PTPRA: variants seen among roughly 807,000 people sequenced by gnomAD.
PTPRA encodes protein tyrosine phosphatase receptor type A, also known as receptor-type tyrosine-protein phosphatase alpha.
A neutral mutation model predicts 104.8 loss-of-function variants in PTPRA; 25 were observed. The ratio of observed to expected loss-of-function variants is 0.24; its 90% CI spans 0.17 to 0.33. The LOEUF is 0.33. PTPRA is among the 10% of genes least tolerant of loss of function. The probability of loss-of-function intolerance (pLI) is 1.00; values close to 1 mark genes in which losing one functional copy is unlikely to be tolerated. For missense variants in PTPRA, 765 were observed against 1,015.3 expected (o/e 0.75, Z 3.35); for synonymous variants, 323 against 368.9 (o/e 0.88, Z 1.43).
intron 6 of PTPRA, 94 bp downstream of exon 6, chr20:2,975,335 C>A: frequency 1.8e-6 from 2 of 1,114,508 alleles, no homozygotes; most frequent in Non-Finnish European, 2.5e-6. Context: ...CCGTGTGCAT[C>A]TGTGGCTGTG....
At position 2,954,047 on chromosome 20, in the gene PTPRA, C is replaced by G. The variant is rs951837453; in HGVS notation, c.-7+6023C>G. 2.7e-5 allele frequency among the ~76,000 whole-genome samples: 4 copies of G among 147,422 alleles called. No homozygotes were observed. The Admixed American group carries it at 2.7e-4, about 10-fold the overall frequency. On this transcript the variant is annotated intron_variant, in intron 3 of 23. Transcript: ENST00000399903. ...GCCTCAGCCTTCCATGTAGCTACGT[C>G]TACAGGCATGTGCCACCATACCCGG...
chr20:2,893,752 T>C (rs868601165), intron 1 of PTPRA, among the ~76,000 whole-genome samples: 83 of 152,280 alleles, frequency 5.5e-4, no homozygotes, highest in African/African-American at 1.9e-3. Context: ...CACATGACCT[T>C]CTAACCCAGT....
At chr20:2,954,550 T>C (rs2061468516) in intron 3 of PTPRA, among the ~76,000 whole-genome samples, 2 of 152,188 alleles carry the variant, frequency 1.3e-5, no homozygotes, top group African/African-American at 4.8e-5. Context: ...AATTAGGTTG[T>C]TTTTGTTGTT....
At chr20:2,868,349 C>A in the PTPRA span, among the ~76,000 whole-genome samples, 1 of 120,810 alleles carries the variant, frequency 8.3e-6, no homozygotes, top group Non-Finnish European at 1.6e-5. Flanking sequence ...GAGATGGGGT[C>A]TCGGGGGTCT....
chr20:2,934,219 C>T (rs2060610055), intron 2 of PTPRA, among the ~76,000 whole-genome samples: 1 of 152,098 alleles, frequency 6.6e-6, no homozygotes, highest in African/African-American at 2.4e-5. Flanking sequence ...ATTGTCCCAC[C>T]TCAGCCTCTC....
At chr20:3,010,627 CAAAAAAAATAAATAAATAAAAAAT>C (rs1015535729) in intron 11 of PTPRA, among the ~76,000 whole-genome samples, 11 of 150,938 alleles carry the variant, frequency 7.3e-5, no homozygotes, top group African/African-American at 1.5e-4. Flanking sequence ...GACTCTGTCT[CAAAAAAAATAAATAAATAAAAAAT>C]AAAAAAAATA....
At chr20:2,868,637 T>C, upstream of PTPRA, among the ~76,000 whole-genome samples, 1 of 139,610 alleles carries the variant, frequency 7.2e-6, no homozygotes, top group South Asian at 2.5e-4. Context: ...TTTTTTTTTT[T>C]TTTTTTTTTT....
chr20:2,923,232 G>T lies in PTPRA; in HGVS notation c.-103G>T. On this transcript the variant is annotated 5_prime_UTR_variant, in exon 2 of 24. Coordinates refer to ENST00000399903, the MANE Select transcript of PTPRA (RefSeq NM_001385305.1). ...GTGACACAACTAAAAAAAAACAAAG[G>T]TATTTATGGAATTCCACTGAGTGGT... The T allele has an allele frequency of 7.9e-7, 1 of 1,266,012 alleles. No homozygotes were observed. Among genetic ancestry groups the T allele is most frequent in the Non-Finnish European group, 1.0e-6 (1 of 976,498 alleles). 78.4% of individuals were successfully genotyped at this position (1,266,012 alleles called of 1,614,324 possible). A position where few individuals can be genotyped will look rare whatever the true frequency, so the allele number is the denominator to read the frequency against.
chr20:3,017,165 A>AT (rs1216833191), intron 12 of PTPRA, among the ~76,000 whole-genome samples: 2 of 151,984 alleles, frequency 1.3e-5, no homozygotes, highest in Non-Finnish European at 2.9e-5. Flanking sequence ...ATGAGGTTTA[A>AT]TTTTTTTATC....
chr20:2,908,938 C>G (rs137991401), intron 1 of PTPRA, among the ~76,000 whole-genome samples: 2 of 152,152 alleles, frequency 1.3e-5, no homozygotes, highest in East Asian at 3.9e-4. Context: ...ATGTGTGGCA[C>G]CAAACATGCT....
At chr20:2,974,063 G>GC (rs1415558811) in intron 5 of PTPRA, among the ~76,000 whole-genome samples, 1 of 149,800 alleles carries the variant, frequency 6.7e-6, no homozygotes, top group African/African-American at 2.5e-5. Context: ...CCATTCTCCT[G>GC]CCTCAGCCTC....
Position 2,950,541 on chromosome 20 carries a change from G to T in PTPRA, c.-7+2517G>T, listed in dbSNP as rs1033603481. Among the ~76,000 whole-genome samples the T allele has an allele frequency of 2.0e-5, 3 of 151,812 alleles. No homozygotes were observed. Among genetic ancestry groups the T allele is most frequent in the Admixed American group, 6.6e-5 (1 of 15,232 alleles). On this transcript the variant is annotated intron_variant, in intron 3 of 23. Transcript: ENST00000399903. This position sits in a 1 kb window ranked among gnomAD's most constrained non-coding sequence, Gnocchi z 4.0. ...ACCTGTAGTCCCAGCTACTCAGAAG[G>T]CTGAGGCAGGAGAATGGCGTGAACC...
intron 1 of PTPRA, among the ~76,000 whole-genome samples, chr20:2,875,102 A>G (rs963000247): frequency 2.0e-5 from 3 of 151,738 alleles, no homozygotes; most frequent in Non-Finnish European, 2.9e-5. Context: ...ATTCTTTCCA[A>G]TCTCTTCTCT....
intron 9 of PTPRA, among the ~76,000 whole-genome samples, chr20:2,999,689 C>G (rs1419545925): frequency 6.6e-6 from 1 of 152,136 alleles, no homozygotes. Context: ...TGTCACATAT[C>G]AAACACAAAA....
chr20:2,933,917 C>T (rs1187574453), intron 2 of PTPRA, among the ~76,000 whole-genome samples: 1 of 152,062 alleles, frequency 6.6e-6, no homozygotes, highest in Non-Finnish European at 1.5e-5. Flanking sequence ...CTACCTCAGC[C>T]TGAGAACAGA....
rs1307015168 is a variant in PTPRA, at chr20:2,897,983, GTT to G, written c.-129+24224_-129+24225del. 1.8e-4 allele frequency among the ~76,000 whole-genome samples: 24 copies of G among 132,738 alleles called. 1 individual carries two copies. The highest frequency in any genetic ancestry group is 6.9e-4 in the African/African-American group (24 of 34,772). The allele number at this position is 132,738 out of a possible 152,430, so 87.1% of individuals were successfully genotyped here. A position where few individuals can be genotyped will look rare whatever the true frequency, so the allele number is the denominator to read the frequency against. Reference sequence around the variant, plus strand: ...GCTGGGGTGCAATGGCGTGCTCTTTGTTCACTGCAACCTCCACCTCCCAGGTT... The same window carrying G: ...GCTGGGGTGCAATGGCGTGCTCTTTGCACTGCAACCTCCACCTCCCAGGTT... On this transcript the variant is annotated intron_variant, in intron 1 of 23. Coordinates refer to ENST00000399903, the MANE Select transcript of PTPRA (RefSeq NM_001385305.1).
intron 12 of PTPRA, 147 bp downstream of exon 12, chr20:3,016,032 A>T: frequency 2.6e-6 from 2 of 757,178 alleles, no homozygotes; most frequent in Non-Finnish European, 4.2e-6. Context: ...AATCCATTAT[A>T]CAGGTTTACA....
At chr20:2,927,088 G>C (rs910793236) in intron 2 of PTPRA, among the ~76,000 whole-genome samples, 1 of 151,790 alleles carries the variant, frequency 6.6e-6, no homozygotes, top group African/African-American at 2.4e-5. Flanking sequence ...ACCACACCTG[G>C]CTAATTTTTG....
At chr20:2,893,880 T>C (rs6084191) in intron 1 of PTPRA, among the ~76,000 whole-genome samples, 1 of 151,056 alleles carries the variant, frequency 6.6e-6, no homozygotes, top group Non-Finnish European at 1.5e-5. Context: ...TATATATATA[T>C]ACAGTAGACT....
Sources: gnomAD v4.1 joint callset for allele counts (sites outside exome capture counted in the v4.1 genomes callset) on GRCh38, gnomAD v4.1.1 for gene constraint, Gnocchi (gnomAD v3.1) non-coding constraint, MANE v1.5 for transcripts, NCBI Gene and HGNC (gene_info 2026-07-23, HGNC 2026-07-21) for gene names.